The following C12orf75 variants were observed in gnomAD, a reference collection of about 807,000 sequenced individuals.
C12orf75 encodes chromosome 12 open reading frame 75, also known as overexpressed in colon carcinoma 1 protein.
C12orf75 carries 4 observed loss-of-function variants against 11.4 expected under a neutral mutation model. That is an observed-to-expected ratio of 0.35 (90% CI 0.17 to 0.80). C12orf75 has a LOEUF of 0.80. Among genes scored for constraint, C12orf75 ranks in the 30% least tolerant of loss-of-function variants. C12orf75 has a pLI of 0.52. For synonymous variants in C12orf75, 30 were observed against 30.0 expected (o/e 1.00, Z 0.00); for missense variants, 89 against 80.4 (o/e 1.11, Z -0.41).
intron 1 of C12orf75, among the ~76,000 whole-genome samples, chr12:105,341,040 A>G (rs1892567192): frequency 6.6e-6 from 1 of 152,170 alleles, no homozygotes; most frequent in Admixed American, 6.5e-5. Flanking sequence ...TGTTTAAACC[A>G]CCCAGTTTGT....
At chr12:105,366,080 A>G (rs1046058924) in intron 3 of C12orf75, 21 of 523,652 alleles carry the variant, frequency 4.0e-5, no homozygotes, top group South Asian at 1.6e-4. Context: ...TTTTCATCCT[A>G]TGACCTTTGG....
rs763026915 is a variant in C12orf75, at chr12:105,371,112, T to C, written c.*512T>C. 1.3e-5 allele frequency: 2 copies of C among 154,700 alleles called. No individual in the cohort carries two copies. The highest frequency in any genetic ancestry group is 2.9e-5 in the Non-Finnish European group (2 of 69,412). The allele number at this position is 154,700 out of a possible 1,614,324, so 9.6% of individuals were successfully genotyped here. A position where few individuals can be genotyped will look rare whatever the true frequency, so the allele number is the denominator to read the frequency against. ...TCACTTTAATTTTTAGCTGTAAAAT[T>C]GGTAAATGGATTCTTACAACTATCT... is the stretch of plus-strand genomic sequence containing the variant. On this transcript the variant is annotated 3_prime_UTR_variant, in exon 6 of 6. Coordinates refer to ENST00000443585, the MANE Select transcript of C12orf75 (RefSeq NM_001145199.2).
At chr12:105,334,094 G>A (rs1892470739) in intron 1 of C12orf75, among the ~76,000 whole-genome samples, 1 of 152,198 alleles carries the variant, frequency 6.6e-6, no homozygotes, top group Non-Finnish European at 1.5e-5. Context: ...TGGAGTAAAA[G>A]GGTCAAGTGG....
At chr12:105,333,718 A>G (rs1203435129) in intron 1 of C12orf75, among the ~76,000 whole-genome samples, 1 of 152,218 alleles carries the variant, frequency 6.6e-6, no homozygotes, top group Non-Finnish European at 1.5e-5. Context: ...GCTCATGTGA[A>G]ACTCAAAAAT....
chr12:105,356,439 C>CTTTTTTTT (rs77310165), intron 2 of C12orf75, among the ~76,000 whole-genome samples: 48 of 106,318 alleles, frequency 4.5e-4, no homozygotes, highest in Non-Finnish European at 6.7e-4. Flanking sequence ...AGACTACAGG[C>CTTTTTTTT]TTTTTTTTTT....
chr12:105,333,292 A>C (rs899303266), intron 1 of C12orf75, among the ~76,000 whole-genome samples: 1 of 152,200 alleles, frequency 6.6e-6, no homozygotes, highest in African/African-American at 2.4e-5. Flanking sequence ...ATACATCAGG[A>C]TGAGAGATGT....
intron 2 of C12orf75, among the ~76,000 whole-genome samples, chr12:105,363,829 T>C (rs1451160064): frequency 2.0e-5 from 3 of 152,228 alleles, no homozygotes; most frequent in African/African-American, 7.2e-5. Context: ...CCAATAAATA[T>C]GGCAACTACA....
At chr12:105,347,144 A>G (rs992090898) in intron 1 of C12orf75, among the ~76,000 whole-genome samples, 3 of 152,226 alleles carry the variant, frequency 2.0e-5, no homozygotes, top group Non-Finnish European at 4.4e-5. Context: ...AGATAAAGAT[A>G]TTGGGAGGAG....
chr12:105,331,890 C>G (rs1892432977), intron 1 of C12orf75, among the ~76,000 whole-genome samples: 1 of 152,218 alleles, frequency 6.6e-6, no homozygotes, highest in South Asian at 2.1e-4. Flanking sequence ...CCAGCAAATG[C>G]AAACAGCAGT....
At chr12:105,330,960 G>C in intron 1 of C12orf75, 23 bp downstream of exon 1, 1 of 1,201,788 alleles carries the variant, frequency 8.3e-7, no homozygotes, top group Non-Finnish European at 1.0e-6. Context: ...GGAGGCGGGG[G>C]CCGGCGGGGG....
At chr12:105,342,724 C>T (rs1026192381) in intron 1 of C12orf75, among the ~76,000 whole-genome samples, 1 of 152,206 alleles carries the variant, frequency 6.6e-6, no homozygotes, top group Non-Finnish European at 1.5e-5. Flanking sequence ...AGAGTCATCT[C>T]ATTAGAAGCC....
chr12:105,338,966 C>G (rs1892532173), intron 1 of C12orf75, among the ~76,000 whole-genome samples: 1 of 152,194 alleles, frequency 6.6e-6, no homozygotes, highest in African/African-American at 2.4e-5. Context: ...CTTCCATTTT[C>G]ATTGACATAA....
At chr12:105,350,202 A>C (rs1157942329) in intron 2 of C12orf75, among the ~76,000 whole-genome samples, 1 of 152,238 alleles carries the variant, frequency 6.6e-6, no homozygotes, top group East Asian at 1.9e-4. Context: ...ACTGCCCTGC[A>C]CTTGCATAGG....
At position 105,367,507 on chromosome 12, in the gene C12orf75, GA is replaced by G; in HGVS notation, c.*32del. ...AATAACATCATGACTCAAGAATCAA[GA>G]GGTGCTGTATATTTTTCTAAATAAT... On this transcript the variant is annotated splice_region_variant and 3_prime_UTR_variant, in exon 5 of 6. Transcript: ENST00000443585. 1 of 795,742 alleles carries G rather than the reference GA, an allele frequency of 1.3e-6. No individual in the cohort carries two copies. Among genetic ancestry groups the G allele is most frequent in the South Asian group, 2.0e-5 (1 of 50,572 alleles). 49.3% of individuals were successfully genotyped at this position (795,742 alleles called of 1,614,324 possible).
rs561850716 is a variant in C12orf75 at position 105,367,085 on chromosome 12, T to C, written c.188-387T>C. Among the ~76,000 whole-genome samples the C allele has an allele frequency of 3.3e-5, 5 of 152,330 alleles. No homozygotes were observed. The East Asian group carries it at 5.8e-4, about 18-fold the overall frequency. On this transcript the variant is annotated intron_variant, in intron 4 of 5. Transcript: ENST00000443585. ...GTTTAAAGGAAAAATAATTGCCTAT[T>C]GTATAATTAAATGAAATGAGGCTTC... is the stretch of plus-strand genomic sequence containing the variant.
At position 105,341,518 on chromosome 12, in the gene C12orf75, T is replaced by C. The variant is rs549095833; in HGVS notation, c.47-7084T>C. Among the ~76,000 whole-genome samples, 8 of 152,308 alleles carry C rather than the reference T, an allele frequency of 5.3e-5. No homozygotes were observed. In the East Asian group the frequency reaches 1.5e-3, roughly 29 times the overall value. On this transcript the variant is annotated intron_variant, in intron 1 of 5. Transcript: ENST00000443585. ...ATAGATTTGGGGGTCTTCACAAATC[T>C]CTTCAGGCTCAATGATTTGCTAGAA...
At chr12:105,335,448 C>T (rs933988495) in intron 1 of C12orf75, among the ~76,000 whole-genome samples, 1 of 152,118 alleles carries the variant, frequency 6.6e-6, no homozygotes, top group African/African-American at 2.4e-5. Context: ...TGCACTACTC[C>T]CCTTTCCCCA....
intron 1 of C12orf75, among the ~76,000 whole-genome samples, chr12:105,337,830 C>G (rs965041111): frequency 3.9e-5 from 6 of 152,070 alleles, no homozygotes; most frequent in African/African-American, 1.4e-4. Context: ...AGAATTTTAA[C>G]CTTGCCATAT....
At chr12:105,331,015 TG>T (rs1026188430) in intron 1 of C12orf75, 78 bp downstream of exon 1, 3 of 914,896 alleles carry the variant, frequency 3.3e-6, no homozygotes, top group Non-Finnish European at 4.3e-6. Flanking sequence ...GGATCTTGGG[TG>T]GGGGGCGCGC....
Sources: allele counts gnomAD v4.1 joint callset (sites outside exome capture counted in the v4.1 genomes callset), GRCh38; gene constraint gnomAD v4.1.1; transcripts MANE v1.5; gene names NCBI Gene and HGNC (gene_info 2026-07-23, HGNC 2026-07-21).